The following LRIT3 variants were observed in gnomAD, a reference collection of about 807,000 sequenced individuals.
The protein encoded by LRIT3 is leucine-rich repeat, immunoglobulin-like domain and transmembrane domain-containing protein 3.
Under a neutral mutation model 22.6 loss-of-function variants are expected in LRIT3, and 14 were observed. The ratio of observed to expected loss-of-function variants is 0.62; its 90% CI spans 0.41 to 0.97. The LOEUF is 0.97. LRIT3 is among the 50% of genes least tolerant of loss of function. LRIT3 has a pLI of 0.00. For synonymous variants in LRIT3, 306 were observed against 304.5 expected (o/e 1.01, Z -0.05); for missense variants, 783 against 803.0 (o/e 0.98, Z 0.30).
At chr4:109,867,248 A>G (rs1435556162) in intron 2 of LRIT3, among the ~76,000 whole-genome samples, 1 of 152,122 alleles carries the variant, frequency 6.6e-6, no homozygotes, top group East Asian at 1.9e-4. Flanking sequence ...ACCTTGGCCA[A>G]GTTATTGGGT....
intron 2 of LRIT3, among the ~76,000 whole-genome samples, chr4:109,852,404 C>T (rs762090979): frequency 2.6e-5 from 4 of 152,120 alleles, no homozygotes; most frequent in Admixed American, 6.5e-5. Context: ...CATCTTTATG[C>T]GATAGCAGTG....
intron 2 of LRIT3, among the ~76,000 whole-genome samples, chr4:109,856,347 T>C (rs959404836): frequency 1.3e-5 from 2 of 152,198 alleles, no homozygotes; most frequent in African/African-American, 4.8e-5. Context: ...CATGATTGGA[T>C]TGAATAATAT....
intron 2 of LRIT3, among the ~76,000 whole-genome samples, chr4:109,861,189 C>T (rs1424896162): frequency 4.0e-5 from 6 of 151,856 alleles, no homozygotes; most frequent in Admixed American, 6.6e-5. Flanking sequence ...GTCAATGTGG[C>T]GAAACCCTGC....
intron 2 of LRIT3, among the ~76,000 whole-genome samples, chr4:109,856,329 G>A (rs1734400920): frequency 1.3e-5 from 2 of 152,058 alleles, no homozygotes; most frequent in South Asian, 2.1e-4. Flanking sequence ...TCATAGCTTG[G>A]CGCTGATCAT....
At chr4:109,854,036 T>TTC (rs141424126) in intron 2 of LRIT3, among the ~76,000 whole-genome samples, 97,004 of 151,830 alleles carry the variant, frequency 0.64, 31,363 homozygotes, top group African/African-American at 0.68. Context: ...TCCAGCTTTG[T>TTC]TTTTTGCTTA....
chr4:109,868,474 G>A (rs1248075590), intron 3 of LRIT3, among the ~76,000 whole-genome samples: 3 of 151,248 alleles, frequency 2.0e-5, no homozygotes, highest in Admixed American at 2.0e-4. Context: ...AGGAGGCTGA[G>A]GCAGGAGAAT....
chr4:109,864,757 C>T (rs1192675490), intron 2 of LRIT3, among the ~76,000 whole-genome samples: 5 of 152,148 alleles, frequency 3.3e-5, no homozygotes, highest in Admixed American at 1.3e-4. Context: ...ATTCCCCCTC[C>T]CCTCCATTTT....
At chr4:109,868,251 G>A (rs773969840) in intron 3 of LRIT3, among the ~76,000 whole-genome samples, 2 of 152,306 alleles carry the variant, frequency 1.3e-5, no homozygotes, top group African/African-American at 4.8e-5. Context: ...ACTTCAAAAT[G>A]TACAGCCTTT....
At position 109,851,758 on chromosome 4, in the gene LRIT3, C is replaced by T. The variant is rs1734277227; in HGVS notation, c.371C>T (p.Ser124Phe). 2 of 1,551,750 alleles carry T rather than the reference C, an allele frequency of 1.3e-6. No homozygotes were observed. The highest frequency in any genetic ancestry group is 2.4e-5 in the South Asian group (2 of 84,066). ...TCTCTGGCTGCTTTCCCTTGGGCAT[C>T]TCTGCTGGACATGCCCCTTCTGAGG... ...GNSLAAFPWA[S>F]LLDMPLLRTL... The change falls in exon 2 of 4, where the codon TCT becomes TTT. Residue 124 changes from serine to phenylalanine, a missense_variant. Around this residue, in one of 2 missense-constraint regions of LRIT3, gnomAD observed 756 missense variants for 753.8 expected, o/e 1.00. Coordinates refer to ENST00000594814, the MANE Select transcript of LRIT3 (RefSeq NM_198506.5).
chr4:109,855,525 C>G (rs1431511249), intron 2 of LRIT3, among the ~76,000 whole-genome samples: 18 of 152,088 alleles, frequency 1.2e-4, no homozygotes, highest in Non-Finnish European at 1.8e-4. Context: ...AGGGTTTTTT[C>G]TGTCTCTATC....
In LRIT3 at chr4:109,867,659, G is replaced by T. The variant is rs1734715976; in HGVS notation, c.608G>T (p.Trp203Leu). ...GTTTTAGGTCTACAGGACAATCCTT[G>T]GTTCTGTGACTGTCATATTTCCAAA... ...RIILGLQDNPWFCDCHISKMI... is the reference protein window; with the variant it reads ...RIILGLQDNPLFCDCHISKMI... Residue 203 changes from tryptophan (W) to leucine (L), a missense_variant, in exon 3 of 4, where the codon TGG becomes TTG. Physicochemically the swap from Trp to Leu is moderately conservative, Grantham distance 61 (BLOSUM62 -2). This residue lies in a region of LRIT3 where 756 missense variants were observed against 753.8 expected (regional missense o/e 1.00). Transcript: ENST00000594814. The T allele has an allele frequency of 1.9e-6, 3 of 1,613,774 alleles. No individual in the cohort carries two copies. Among genetic ancestry groups the T allele is most frequent in the Admixed American group, 1.7e-5 (1 of 60,000 alleles).
intron 2 of LRIT3, among the ~76,000 whole-genome samples, chr4:109,855,084 A>G (rs1029519240): frequency 2.6e-5 from 4 of 152,022 alleles, no homozygotes; most frequent in Admixed American, 2.0e-4. Context: ...TGCTGGCCTC[A>G]TAAAATGAAT....
chr4:109,861,606 A>T (rs1439929816), intron 2 of LRIT3, among the ~76,000 whole-genome samples: 2 of 152,038 alleles, frequency 1.3e-5, no homozygotes, highest in African/African-American at 2.4e-5. Context: ...TCATTTGCTT[A>T]TGGGTCACTG....
chr4:109,867,580 C>A, intron 2 of LRIT3, 61 bp from the exon 3 acceptor site: 1 of 1,242,380 alleles, frequency 8.0e-7, no homozygotes, highest in Non-Finnish European at 1.1e-6. Context: ...TCTCAAGAGG[C>A]AGGATGTAAA....
chr4:109,856,003 G>A (rs537051664), intron 2 of LRIT3, among the ~76,000 whole-genome samples: 6 of 152,270 alleles, frequency 3.9e-5, no homozygotes, highest in Admixed American at 3.3e-4. Flanking sequence ...CACCCCTCAT[G>A]CATCCATTTA....
chr4:109,870,992 G>T lies in LRIT3; in HGVS notation c.*203G>T, dbSNP rs1734821274. On this transcript the variant is annotated 3_prime_UTR_variant, in exon 4 of 4. Coordinates refer to ENST00000594814, the MANE Select transcript of LRIT3 (RefSeq NM_198506.5). The stretch of plus-strand genomic sequence containing the variant: ...TTGATTTTTTTTCTTGTGTGGAAAA[G>T]GTCTACAGAAATAATTTTTAGAGTG... 4.5e-6 allele frequency: 2 copies of T among 445,132 alleles called. No homozygotes were observed. The highest frequency in any genetic ancestry group is 2.0e-5 in the African/African-American group (1 of 49,630). The allele number at this position is 445,132 out of a possible 1,614,324, so 27.6% of individuals were successfully genotyped here. A position where few individuals can be genotyped will look rare whatever the true frequency, so the allele number is the denominator to read the frequency against.
Position 109,869,855 on chromosome 4 carries a change from T to A in LRIT3, c.1106T>A (p.Val369Asp), listed in dbSNP as rs150560307. ...ACTGGAGATCATCCTGAGTGGGATG[T>A]CCAGCCGGGATCTGGAAGATCTACA... is the stretch of plus-strand genomic sequence containing the variant. Reference protein sequence around the residue: ...ERTGDHPEWDVQPGSGRSTSV... With the variant: ...ERTGDHPEWDDQPGSGRSTSV... Residue 369 changes from valine (V) to aspartate (D), a missense_variant, in exon 4 of 4, where the codon GTC becomes GAC. Around this residue, in one of 2 missense-constraint regions of LRIT3, gnomAD observed 756 missense variants for 753.8 expected, o/e 1.00. Coordinates refer to ENST00000594814, the MANE Select transcript of LRIT3 (RefSeq NM_198506.5). 4 of 1,614,044 alleles carry A rather than the reference T, an allele frequency of 2.5e-6. No individual in the cohort carries two copies. Among genetic ancestry groups the A allele is most frequent in the Non-Finnish European group, 3.4e-6 (4 of 1,180,014 alleles).
Position 109,871,097 on chromosome 4 carries a change from C to T in LRIT3, c.*308C>T, listed in dbSNP as rs1036362063. Reference sequence around the variant, plus strand: ...AGTTCATGTGAAAGTAGCAAGTGAACTCTGTATTTAAAAATATAGTTTTTT... The same window carrying T: ...AGTTCATGTGAAAGTAGCAAGTGAATTCTGTATTTAAAAATATAGTTTTTT... On this transcript the variant is annotated 3_prime_UTR_variant, in exon 4 of 4. Coordinates refer to ENST00000594814, the MANE Select transcript of LRIT3 (RefSeq NM_198506.5). 1 of 217,858 alleles carries T rather than the reference C, an allele frequency of 4.6e-6. No homozygotes were observed. The highest frequency in any genetic ancestry group is 2.3e-5 in the African/African-American group (1 of 43,868). 13.5% of individuals were successfully genotyped at this position (217,858 alleles called of 1,614,324 possible).
In LRIT3 at chr4:109,869,754, G is replaced by A; in HGVS notation, c.1005G>A (p.Gly335=). ...AATGTAAGGCCAAAAATCTGGCTGG[G>A]ATGTCAGAAGCTGTGGTTACTGTGA... is the stretch of plus-strand genomic sequence containing the variant. ...DYKCKAKNLA[G]MSEAVVTVTV... is the part of the protein sequence containing the mutation. Residue 335 remains glycine (G), a synonymous_variant, in exon 4 of 4, where the codon GGG becomes GGA. Coordinates refer to ENST00000594814, the MANE Select transcript of LRIT3 (RefSeq NM_198506.5). 2 of 1,613,728 alleles carry A rather than the reference G, an allele frequency of 1.2e-6. No individual in the cohort carries two copies. Among genetic ancestry groups the A allele is most frequent in the Non-Finnish European group, 8.5e-7 (1 of 1,179,668 alleles).
Sources: gnomAD v4.1 joint callset for allele counts (sites outside exome capture counted in the v4.1 genomes callset) on GRCh38, gnomAD v4.1.1 for gene constraint, gnomAD v4.1.1 regional missense constraint, MANE v1.5 for transcripts, NCBI Gene and HGNC (gene_info 2026-07-23, HGNC 2026-07-21) for gene names.